PKHD1L1: variants seen among roughly 807,000 people sequenced by gnomAD.
The protein encoded by PKHD1L1 is fibrocystin-L.
PKHD1L1 carries 434 observed loss-of-function variants against 462.9 expected under a neutral mutation model. The observed-to-expected ratio is 0.94, with a 90% CI of 0.87 to 1.02. The LOEUF (loss-of-function observed/expected upper bound fraction) is 1.02. Ranked by LOEUF, PKHD1L1 falls within the 50% of genes least tolerant of loss-of-function variation. PKHD1L1 has a pLI of 0.00. For missense variants in PKHD1L1, 5,202 were observed against 5,096.1 expected, an observed-to-expected ratio of 1.02 and a Z score of -0.63; for synonymous variants, 1,781 against 1,750.0, an observed-to-expected ratio of 1.02 and a Z score of -0.44.
intron 17 of PKHD1L1, among the ~76,000 whole-genome samples, chr8:109,406,764 T>G (rs1280408723): frequency 1.3e-5 from 2 of 152,126 alleles, no homozygotes; most frequent in Non-Finnish European, 2.9e-5. Flanking sequence ...AAATAAAATT[T>G]AGGCAAATCA....
At chr8:109,528,018 T>G (rs1411235526) in intron 77 of PKHD1L1, among the ~76,000 whole-genome samples, 1 of 152,062 alleles carries the variant, frequency 6.6e-6, no homozygotes, top group Middle Eastern at 3.2e-3. Context: ...TCACTAAGGA[T>G]AATAAAGGTG....
chr8:109,386,498 A>G (rs1418537410), intron 6 of PKHD1L1, among the ~76,000 whole-genome samples: 3 of 152,210 alleles, frequency 2.0e-5, no homozygotes, highest in Non-Finnish European at 2.9e-5. Flanking sequence ...ACAAATACAT[A>G]ATTTTGTAAA....
intron 48 of PKHD1L1, among the ~76,000 whole-genome samples, chr8:109,463,439 T>C (rs1328624664): frequency 6.6e-6 from 1 of 152,164 alleles, no homozygotes; most frequent in African/African-American, 2.4e-5. Flanking sequence ...CTGAGATTGC[T>C]AGGTTGATCT....
chr8:109,403,147 G>T (rs1026941119), intron 14 of PKHD1L1, among the ~76,000 whole-genome samples: 1 of 152,140 alleles, frequency 6.6e-6, no homozygotes, highest in Non-Finnish European at 1.5e-5. Flanking sequence ...TGGTATCTGT[G>T]CTCCTGCAAA....
At position 109,475,162 on chromosome 8, in the gene PKHD1L1, T is replaced by C. The variant is rs368319552; in HGVS notation, c.8650T>C (p.Ser2884Pro). The change falls in exon 51 of 78, where the codon TCT becomes CCT. Residue 2884 changes from serine (S) to proline (P), a missense_variant. Transcript: ENST00000378402. Reference sequence around the variant, plus strand: ...TCAGAAGAAACGACTGACTCATATGTCTGGATGGATGGCTCTGATTCCAAA... The same window carrying C: ...TCAGAAGAAACGACTGACTCATATGCCTGGATGGATGGCTCTGATTCCAAA... ...PFQKKRLTHM[S>P]GWMALIPNAN... The C allele has an allele frequency of 1.3e-4, 215 of 1,612,622 alleles. No individual in the cohort carries two copies. Among genetic ancestry groups the C allele is most frequent in the Non-Finnish European group, 1.7e-4 (200 of 1,179,340 alleles).
intron 73 of PKHD1L1, among the ~76,000 whole-genome samples, chr8:109,520,285 T>A (rs1820483286): frequency 6.6e-6 from 1 of 151,976 alleles, no homozygotes; most frequent in South Asian, 2.1e-4. Flanking sequence ...ATTTTAGGAG[T>A]TGTAAAGGGC....
intron 9 of PKHD1L1, among the ~76,000 whole-genome samples, chr8:109,392,202 C>T (rs575146852): frequency 1.3e-5 from 2 of 152,080 alleles, no homozygotes; most frequent in South Asian, 2.1e-4. Flanking sequence ...TTTTTAAATG[C>T]TCTTAGTAGC....
At chr8:109,368,627 A>G (rs1811343904) in intron 2 of PKHD1L1, among the ~76,000 whole-genome samples, 1 of 152,148 alleles carries the variant, frequency 6.6e-6, no homozygotes, top group African/African-American at 2.4e-5. Flanking sequence ...GAATGCTACA[A>G]CTTTTAAGTA....
chr8:109,482,829 C>A (rs1488314352), intron 56 of PKHD1L1, among the ~76,000 whole-genome samples, 158 bp from the exon 57 acceptor site: 1 of 151,638 alleles, frequency 6.6e-6, no homozygotes, highest in African/African-American at 2.4e-5. Flanking sequence ...AGGGCCACGT[C>A]TTCTTACATG....
At chr8:109,483,623 T>C (rs1441022912) in intron 57 of PKHD1L1, among the ~76,000 whole-genome samples, 1 of 150,222 alleles carries the variant, frequency 6.7e-6, no homozygotes, top group Non-Finnish European at 1.5e-5. Context: ...AATATATTAG[T>C]CATATTAGTC....
At chr8:109,405,376 A>G (rs1813481510) in intron 16 of PKHD1L1, among the ~76,000 whole-genome samples, 1 of 152,176 alleles carries the variant, frequency 6.6e-6, no homozygotes, top group South Asian at 2.1e-4. Flanking sequence ...ATCTAAATGC[A>G]CATGGAATTT....
intron 39 of PKHD1L1, among the ~76,000 whole-genome samples, chr8:109,448,605 A>G (rs1028875001): frequency 6.6e-6 from 1 of 150,506 alleles, no homozygotes; most frequent in Admixed American, 6.6e-5. Flanking sequence ...TCTGCCTCCC[A>G]GGTTCACGCC....
At chr8:109,380,900 C>T (rs931808867) in intron 2 of PKHD1L1, among the ~76,000 whole-genome samples, 1 of 152,126 alleles carries the variant, frequency 6.6e-6, no homozygotes, top group East Asian at 1.9e-4. Flanking sequence ...GTCCTCTTAG[C>T]CTACCTTTTT....
intron 26 of PKHD1L1, 27 bp downstream of exon 26, chr8:109,429,489 C>T (rs945332681): frequency 1.1e-5 from 17 of 1,586,280 alleles, no homozygotes; most frequent in Middle Eastern, 3.3e-4. Flanking sequence ...TCTCATGATG[C>T]TTAATGTAAT....
intron 24 of PKHD1L1, among the ~76,000 whole-genome samples, chr8:109,425,688 C>A (rs1043523381): frequency 2.0e-5 from 3 of 151,808 alleles, no homozygotes; most frequent in Non-Finnish European, 4.4e-5. Context: ...CTGTGGTAGC[C>A]ATAAACAATA....
intron 21 of PKHD1L1, 133 bp downstream of exon 21, chr8:109,413,678 G>A (rs1277691001): frequency 7.3e-6 from 4 of 544,344 alleles, no homozygotes; most frequent in Non-Finnish European, 8.5e-6. Flanking sequence ...GCACACAATG[G>A]ATGTAAATGG....
chr8:109,505,662 G>A (rs13263267), intron 68 of PKHD1L1, among the ~76,000 whole-genome samples: 18 of 152,276 alleles, frequency 1.2e-4, no homozygotes, highest in African/African-American at 4.3e-4. Context: ...ATTTTGGGAG[G>A]CTGAGGCAGG....
Position 109,384,095 on chromosome 8 carries a change from TAAG to T in PKHD1L1, c.447_449del (p.Arg149del), listed in dbSNP as rs769767361. On this transcript the variant is annotated inframe_deletion, in exon 5 of 78. Transcript: ENST00000378402. ...GCAAAAAGTTTTAGAACCCCAACAATAAGAAGCATCACACCTTTATCTGGAACT... is the reference window on the plus strand; with the variant it reads ...GCAAAAAGTTTTAGAACCCCAACAATAAGCATCACACCTTTATCTGGAACT... 10 of 1,611,170 alleles carry T rather than the reference TAAG, an allele frequency of 6.2e-6. No individual in the cohort carries two copies. Among genetic ancestry groups the T allele is most frequent in the Non-Finnish European group, 8.5e-6 (10 of 1,177,712 alleles).
intron 59 of PKHD1L1, 79 bp downstream of exon 59, chr8:109,486,900 C>G: frequency 7.5e-7 from 1 of 1,331,400 alleles, no homozygotes; most frequent in Non-Finnish European, 1.0e-6. Flanking sequence ...TTACATAATT[C>G]TCACTTTTTT....
Sources: allele counts gnomAD v4.1 joint callset (sites outside exome capture counted in the v4.1 genomes callset), GRCh38; gene constraint gnomAD v4.1.1; transcripts MANE v1.5; gene names NCBI Gene and HGNC (gene_info 2026-07-23, HGNC 2026-07-21).